The following CHGB variants were observed in gnomAD, a reference collection of about 807,000 sequenced individuals.
CHGB encodes chromogranin B.
CHGB carries 46 observed loss-of-function variants against 69.9 expected under a neutral mutation model. That is an observed-to-expected ratio of 0.66 (90% CI 0.52 to 0.84). The LOEUF is 0.84. CHGB is among the 40% of genes least tolerant of loss of function. The pLI is 0.00. For missense variants in CHGB, 796 were observed against 822.2 expected, an observed-to-expected ratio of 0.97 and a Z score of 0.39; for synonymous variants, 312 against 298.2, an observed-to-expected ratio of 1.05 and a Z score of -0.48.
At position 5,922,976 on chromosome 20, in the gene CHGB, C is replaced by G. The variant is rs755308357; in HGVS notation, c.832C>G (p.Arg278Gly). Residue 278 changes from arginine (R) to glycine (G), a missense_variant, in exon 4 of 5, where the codon CGC (arginine) becomes GGC (glycine). This residue lies in a region of CHGB where 518 missense variants were observed against 506.3 expected (regional missense o/e 1.02). Coordinates refer to ENST00000378961, the MANE Select transcript of CHGB (RefSeq NM_001819.3). ...TGCCACCTCTGAGGTGGACAAACGACGCACGAGGCCCAGACACCACCACGG... is the reference window on the plus strand; with the variant it reads ...TGCCACCTCTGAGGTGGACAAACGAGGCACGAGGCCCAGACACCACCACGG... ...EDATSEVDKR[R>G]TRPRHHHGRS... 4.3e-6 allele frequency: 7 copies of G among 1,609,608 alleles called. No individual in the cohort carries two copies. Among genetic ancestry groups the G allele is most frequent in the Middle Eastern group, 1.7e-4 (1 of 6,058 alleles).
At chr20:5,916,237 C>T in intron 1 of CHGB, 89 bp from the exon 2 acceptor site, 3 of 946,598 alleles carry the variant, frequency 3.2e-6, no homozygotes, top group Non-Finnish European at 5.0e-6. Context: ...GGAAAAACAA[C>T]AACTAATGTG....
At chr20:5,924,181 G>T in intron 4 of CHGB, 81 bp downstream of exon 4, 1 of 1,449,204 alleles carries the variant, frequency 6.9e-7, no homozygotes, top group Non-Finnish European at 9.1e-7. Flanking sequence ...CGATATTCAC[G>T]GGGAGAAATT....
intron 4 of CHGB, 109 bp downstream of exon 4, chr20:5,924,209 A>G (rs113490443): frequency 6.3e-6 from 9 of 1,422,150 alleles, no homozygotes; most frequent in South Asian, 3.2e-5. Context: ...ATTAATCACT[A>G]TGAAAATGGT....
rs1600211704 is a variant in CHGB, at chr20:5,916,814, G to A, written c.97-12G>A. The A allele has an allele frequency of 6.2e-7, 1 of 1,614,000 alleles. No homozygotes were observed. Among genetic ancestry groups the A allele is most frequent in the Non-Finnish European group, 8.5e-7 (1 of 1,179,876 alleles). On this transcript the variant is annotated splice_polypyrimidine_tract_variant and intron_variant, in intron 2 of 4. Transcript: ENST00000378961. ...ACCAGCTTCTCCAACCTGCTTTCGG[G>A]TTTCCCCCCAGGTGACTCGCTGCAT...
chr20:5,911,740 C>A, intron 1 of CHGB, 58 bp downstream of exon 1: 10 of 1,340,594 alleles, frequency 7.5e-6, no homozygotes, highest in South Asian at 1.7e-5. Flanking sequence ...CGCTCTTCCC[C>A]GCCGCTCCCG....
In CHGB at chr20:5,918,810, T is replaced by TAAAAAAA. The variant is rs71182109; in HGVS notation, c.190+1920_190+1926dup. ...CTCAGTGACAGAGCGAGTCTCTGTC[T>TAAAAAAA]AAAAAAAAAAAAAAAAAAAAAAAAA... On this transcript the variant is annotated intron_variant, in intron 3 of 4. Transcript: ENST00000378961. Among the ~76,000 whole-genome samples the TAAAAAAA allele has an allele frequency of 4.8e-4, 15 of 31,454 alleles. 1 individual carries two copies. The highest frequency in any genetic ancestry group is 8.4e-4 in the African/African-American group (7 of 8,368). The allele number at this position is 31,454 out of a possible 152,430, so 20.6% of individuals were successfully genotyped here. A position where few individuals can be genotyped will look rare whatever the true frequency, so the allele number is the denominator to read the frequency against.
intron 4 of CHGB, among the ~76,000 whole-genome samples, chr20:5,924,313 G>A (rs915152511): frequency 6.6e-6 from 1 of 152,192 alleles, no homozygotes; most frequent in African/African-American, 2.4e-5. Context: ...CGGTTGCATT[G>A]CTTCTCAACC....
Position 5,923,445 on chromosome 20 carries a change from C to A in CHGB, c.1301C>A (p.Thr434Asn), listed in dbSNP as rs772514466. The A allele has an allele frequency of 7.4e-6, 12 of 1,613,934 alleles. No individual in the cohort carries two copies. The African/African-American group carries it at 1.2e-4, about 16-fold the overall frequency. The change falls in exon 4 of 5, where the codon ACC (threonine) becomes AAC (asparagine). Residue 434 changes from threonine to asparagine, a missense_variant. Thr to Asn is a moderately conservative substitution (Grantham distance 65). This residue lies in a region of CHGB where 274 missense variants were observed against 298.9 expected (regional missense o/e 0.92). Coordinates refer to ENST00000378961, the MANE Select transcript of CHGB (RefSeq NM_001819.3). ...GEPRAYFMSD[T>N]REEKRFLGEG... ...CCACGTGCCTATTTCATGTCTGACA[C>A]CAGAGAAGAGAAAAGGTTCTTGGGT...
intron 3 of CHGB, among the ~76,000 whole-genome samples, chr20:5,918,160 A>C (rs1568550366): frequency 1.3e-5 from 2 of 148,698 alleles, no homozygotes; most frequent in African/African-American, 2.5e-5. Context: ...AAAAAAAAAA[A>C]AAAAAAAAAA....
chr20:5,923,549 A>G lies in CHGB; in HGVS notation c.1405A>G (p.Arg469Gly). The G allele has an allele frequency of 6.2e-7, 1 of 1,614,202 alleles. No homozygotes were observed. The highest frequency in any genetic ancestry group is 8.5e-7 in the Non-Finnish European group (1 of 1,180,044). The change falls in exon 4 of 5, where the codon AGA (arginine) becomes GGA (glycine). Residue 469 changes from arginine (R) to glycine (G), a missense_variant. Arg to Gly is a moderately radical substitution (Grantham distance 125). Coordinates refer to ENST00000378961, the MANE Select transcript of CHGB (RefSeq NM_001819.3). Reference sequence around the variant, plus strand: ...ACAAGGTGCGTGGAAAGAGCTGGACAGAAATTATCTCAACTACGGTGAGGA... The same window carrying G: ...ACAAGGTGCGTGGAAAGAGCTGGACGGAAATTATCTCAACTACGGTGAGGA... ...HPQGAWKELD[R>G]NYLNYGEEGA...
intron 1 of CHGB, among the ~76,000 whole-genome samples, chr20:5,912,776 A>C (rs1012670772): frequency 1.4e-4 from 22 of 152,174 alleles, no homozygotes; most frequent in Non-Finnish European, 7.3e-5. Flanking sequence ...AAAATTGTCC[A>C]TATCTGAGAT....
Position 5,922,579 on chromosome 20 carries a change from C to A in CHGB, c.435C>A (p.Asp145Glu), listed in dbSNP as rs756065519. 4 of 1,613,892 alleles carry A rather than the reference C, an allele frequency of 2.5e-6. No individual in the cohort carries two copies. The highest frequency in any genetic ancestry group is 3.4e-6 in the Non-Finnish European group (4 of 1,179,930). The change falls in exon 4 of 5, where the codon GAC (aspartate) becomes GAA (glutamate). Residue 145 changes from aspartate to glutamate, a missense_variant. Physicochemically the swap from Asp to Glu is conservative, Grantham distance 45. This residue lies in a region of CHGB where 518 missense variants were observed against 506.3 expected (regional missense o/e 1.02). Transcript: ENST00000378961. Reference protein sequence around the residue: ...DEPQWSLYPSDSQVSEEVKTR... With the variant: ...DEPQWSLYPSESQVSEEVKTR... ...CCCAGTGGAGCCTCTATCCCTCCGA[C>A]AGCCAAGTCTCTGAAGAAGTGAAGA... is the stretch of plus-strand genomic sequence containing the variant.
chr20:5,922,676 C>G lies in CHGB; in HGVS notation c.532C>G (p.Arg178Gly). 1 of 1,613,610 alleles carries G rather than the reference C, an allele frequency of 6.2e-7. No individual in the cohort carries two copies. The highest frequency in any genetic ancestry group is 8.5e-7 in the Non-Finnish European group (1 of 1,179,806). The change falls in exon 4 of 5, where the codon CGA (arginine) becomes GGA (glycine). Residue 178 changes from arginine to glycine, a missense_variant. Physicochemically the swap from Arg to Gly is moderately radical, Grantham distance 125 (BLOSUM62 -2). Coordinates refer to ENST00000378961, the MANE Select transcript of CHGB (RefSeq NM_001819.3). ...EEGENYQKGE[R>G]GEDSSEEKHL... ...GGGAGAGAACTATCAAAAAGGGGAG[C>G]GAGGGGAAGATAGCAGTGAAGAGAA...
At position 5,922,742 on chromosome 20, in the gene CHGB, A is replaced by C. The variant is rs881118; in HGVS notation, c.598A>C (p.Asn200His). The C allele has an allele frequency of 0.063, 102,015 of 1,613,572 alleles. 6,376 individuals carry two copies. The highest frequency in any genetic ancestry group is 0.23 in the Admixed American group (13,874 of 60,010). Residue 200 changes from asparagine (N) to histidine (H), a missense_variant, in exon 4 of 5, where the codon AAT (asparagine) becomes CAT (histidine). Asn to His is a moderately conservative substitution (Grantham distance 68, BLOSUM62 1). This residue lies in a region of CHGB where 518 missense variants were observed against 506.3 expected (regional missense o/e 1.02). Coordinates refer to ENST00000378961, the MANE Select transcript of CHGB (RefSeq NM_001819.3). ...AGGAGAGACACAAAACGCTTTTCTC[A>C]ATGAAAGAAAGCAGGCTTCAGCTAT... Reference protein sequence around the residue: ...EPGETQNAFLNERKQASAIKK... With the variant: ...EPGETQNAFLHERKQASAIKK...
chr20:5,924,094 G>A lies in CHGB; in HGVS notation c.1950G>A (p.Glu650=). Residue 650 remains glutamate (E), a synonymous_variant, in exon 4 of 5, where the codon GAG becomes GAA. Transcript: ENST00000378961. ...KDRADQTVLT[E]DEKKELENLA... ...GGGCTGACCAGACAGTCCTGACAGA[G>A]GACGAGGTATGGTCTAGGGCTTCTG... is the stretch of plus-strand genomic sequence containing the variant. 6.2e-7 allele frequency: 1 copy of A among 1,607,666 alleles called. No homozygotes were observed. The highest frequency in any genetic ancestry group is 1.7e-5 in the Admixed American group (1 of 59,140).
intron 3 of CHGB, among the ~76,000 whole-genome samples, chr20:5,922,022 C>T (rs236149): frequency 0.47 from 70,915 of 151,970 alleles, 17,615 homozygotes; most frequent in African/African-American, 0.63. Context: ...TAAGATGTTT[C>T]CTGCCTCTAA....
intron 2 of CHGB, 123 bp downstream of exon 2, chr20:5,916,495 G>C: frequency 2.3e-6 from 2 of 865,142 alleles, no homozygotes; most frequent in Non-Finnish European, 3.7e-6. Flanking sequence ...TTTCATTGCT[G>C]ACAGAATGTG....
intron 3 of CHGB, among the ~76,000 whole-genome samples, chr20:5,919,129 T>A (rs1191561474): frequency 6.6e-6 from 1 of 152,114 alleles, no homozygotes; most frequent in Non-Finnish European, 1.5e-5. Flanking sequence ...AATGCAAAAG[T>A]GAGGGGCCTG....
chr20:5,912,018 C>T (rs2088449825), intron 1 of CHGB, among the ~76,000 whole-genome samples: 1 of 152,112 alleles, frequency 6.6e-6, no homozygotes, highest in Non-Finnish European at 1.5e-5. Context: ...CTCTCTCTGC[C>T]CGTCTAGAGA....
Sources: gnomAD v4.1 joint callset for allele counts (sites outside exome capture counted in the v4.1 genomes callset) on GRCh38, gnomAD v4.1.1 for gene constraint, gnomAD v4.1.1 regional missense constraint, MANE v1.5 for transcripts, NCBI Gene and HGNC (gene_info 2026-07-23, HGNC 2026-07-21) for gene names.